Variants in LOC122539214 observed in about 807,000 individuals in gnomAD.
chr19:52,655,427 T>A, the LOC122539214 span: 1 of 845,096 alleles, frequency 1.2e-6, no homozygotes, highest in Non-Finnish European at 1.9e-6. Context: ...GACAGGAGGA[T>A]CATCACTGCA....
chr19:52,652,561 C>T, the LOC122539214 span: 2,160 of 433,416 alleles, frequency 5.0e-3, 8 homozygotes, highest in Non-Finnish European at 7.1e-3. Flanking sequence ...ACATTTGTAA[C>T]GTTTCTTTCC....
At chr19:52,659,758 A>G in the LOC122539214 span, among the ~76,000 whole-genome samples, 2 of 152,372 alleles carry the variant, frequency 1.3e-5, no homozygotes, top group South Asian at 4.1e-4. Flanking sequence ...AATATCCAAC[A>G]TGGATAAATC....
the LOC122539214 span, chr19:52,653,085 T>C: frequency 6.7e-7 from 1 of 1,485,396 alleles, no homozygotes; most frequent in Admixed American, 1.7e-5. Flanking sequence ...CAGTATGAAT[T>C]GCCTTATGAA....
chr19:52,674,406 A>G, the LOC122539214 span, among the ~76,000 whole-genome samples: 1 of 152,220 alleles, frequency 6.6e-6, no homozygotes. Flanking sequence ...TATTCAATCA[A>G]TACTGACTGT....
chr19:52,652,068 T>C, the LOC122539214 span: 4 of 240,664 alleles, frequency 1.7e-5, no homozygotes, highest in South Asian at 6.1e-5. Flanking sequence ...CTAAAGACAT[T>C]GCCACACCTA....
the LOC122539214 span, chr19:52,653,927 C>T: frequency 4.6e-5 from 49 of 1,069,606 alleles, 3 homozygotes; most frequent in Middle Eastern, 2.9e-3. Flanking sequence ...ATGTGTTCTT[C>T]CTGGATTTGT....
chr19:52,654,101 G>T, the LOC122539214 span: 202 of 1,604,548 alleles, frequency 1.3e-4, no homozygotes, highest in Non-Finnish European at 2.1e-5. Flanking sequence ...TGCAGTTCAG[G>T]CAGATGTGAA....
chr19:52,663,467 T>G, the LOC122539214 span, among the ~76,000 whole-genome samples: 22 of 152,292 alleles, frequency 1.4e-4, no homozygotes, highest in East Asian at 3.1e-3. Flanking sequence ...GCAAAGAATA[T>G]TATGGACCAG....
At chr19:52,656,729 G>C in the LOC122539214 span, among the ~76,000 whole-genome samples, 54 of 152,136 alleles carry the variant, frequency 3.5e-4, no homozygotes, top group Non-Finnish European at 7.1e-4. Flanking sequence ...AGCTTGGTAT[G>C]GTGGTGTGCG....
At chr19:52,665,329 T>C in the LOC122539214 span, among the ~76,000 whole-genome samples, 1 of 151,798 alleles carries the variant, frequency 6.6e-6, no homozygotes, top group Non-Finnish European at 1.5e-5. Context: ...GGTAGGAGGA[T>C]AGCTGAGCTG....
the LOC122539214 span, among the ~76,000 whole-genome samples, chr19:52,686,426 G>A: frequency 1.4e-5 from 2 of 144,338 alleles, no homozygotes; most frequent in African/African-American, 5.1e-5. Flanking sequence ...TTAAAACTAA[G>A]ATTTTTCTCA....
chr19:52,682,963 C>T, the LOC122539214 span, among the ~76,000 whole-genome samples: 10 of 152,202 alleles, frequency 6.6e-5, no homozygotes, highest in African/African-American at 2.4e-4. Context: ...CTCCACCTTC[C>T]GGGTTCAAGT....
At chr19:52,666,002 C>CAA in the LOC122539214 span, among the ~76,000 whole-genome samples, 41 of 144,408 alleles carry the variant, frequency 2.8e-4, 1 homozygote, top group South Asian at 8.9e-4. Context: ...ACTAAAAATA[C>CAA]AAAAAAAAAA....
At chr19:52,664,009 C>G in the LOC122539214 span, among the ~76,000 whole-genome samples, 1 of 152,150 alleles carries the variant, frequency 6.6e-6, no homozygotes, top group East Asian at 1.9e-4. Flanking sequence ...GCCTGTCTCC[C>G]CAGTAGCTGG....
At chr19:52,655,490 G>T in the LOC122539214 span, 3 of 1,335,414 alleles carry the variant, frequency 2.2e-6, no homozygotes, top group Non-Finnish European at 3.1e-6. Context: ...TCACAAAAGA[G>T]AATACAAAAC....
the LOC122539214 span, among the ~76,000 whole-genome samples, chr19:52,688,230 G>A: frequency 6.6e-6 from 1 of 152,036 alleles, no homozygotes; most frequent in South Asian, 2.1e-4. Flanking sequence ...CAGTGCAGTG[G>A]CATGATCTTG....
the LOC122539214 span, among the ~76,000 whole-genome samples, chr19:52,658,683 C>T: frequency 3.9e-5 from 6 of 152,250 alleles, no homozygotes; most frequent in East Asian, 1.9e-4. Context: ...TGAAGGCACC[C>T]GGTTCTTACC....
the LOC122539214 span, among the ~76,000 whole-genome samples, chr19:52,675,705 G>T: frequency 6.6e-6 from 1 of 152,192 alleles, no homozygotes; most frequent in African/African-American, 2.4e-5. Flanking sequence ...GCCAGGAAAG[G>T]AAGGGCAAGG....
the LOC122539214 span, among the ~76,000 whole-genome samples, chr19:52,669,983 A>G: frequency 6.6e-6 from 1 of 152,272 alleles, no homozygotes; most frequent in Non-Finnish European, 1.5e-5. Context: ...AATGTTAGAT[A>G]TGAGTTCTAA....
Sources: allele counts gnomAD v4.1 joint callset (sites outside exome capture counted in the v4.1 genomes callset), GRCh38; gene constraint gnomAD v4.1.1; transcripts MANE v1.5.